Variants in MAML2 observed in about 807,000 individuals in gnomAD.
The protein encoded by MAML2 is mastermind-like protein 2.
A neutral mutation model predicts 96.1 loss-of-function variants in MAML2; 22 were observed. The observed-to-expected ratio is 0.23, with a 90% CI of 0.16 to 0.33. MAML2 has a LOEUF of 0.33. Ranked by LOEUF, MAML2 falls within the 10% of genes least tolerant of loss-of-function variation. The pLI, the probability that MAML2 is intolerant of heterozygous loss-of-function variation, is 1.00. For synonymous variants in MAML2, 561 were observed against 521.3 expected (o/e 1.08, Z -1.04); for missense variants, 1,367 against 1,392.4 (o/e 0.98, Z 0.29).
chr11:95,996,180 C>T (rs767559173), intron 2 of MAML2, among the ~76,000 whole-genome samples: 4 of 152,098 alleles, frequency 2.6e-5, no homozygotes, highest in Non-Finnish European at 5.9e-5. Flanking sequence ...CTACTCTGTG[C>T]TAGGCAGTTT....
intron 1 of MAML2, among the ~76,000 whole-genome samples, chr11:96,100,027 T>C (rs1443512618): frequency 6.6e-6 from 1 of 152,156 alleles, no homozygotes; most frequent in East Asian, 1.9e-4. Context: ...TTGTCACTCA[T>C]GTGAACCAGA....
chr11:96,241,694 C>A (rs1428718143), intron 1 of MAML2, among the ~76,000 whole-genome samples: 1 of 152,130 alleles, frequency 6.6e-6, no homozygotes, highest in Non-Finnish European at 1.5e-5. Flanking sequence ...GTGTTGATTG[C>A]GGAAGTCAAC....
In MAML2 at chr11:96,037,894, G is replaced by A. The variant is rs188596323; in HGVS notation, c.2140-46171C>T. Among the ~76,000 whole-genome samples the A allele has an allele frequency of 8.0e-3, 1,219 of 152,198 alleles. 14 individuals are homozygous for A. The highest frequency in any genetic ancestry group is 0.018 in the South Asian group (85 of 4,820). ...ACAGTGACAAAATACCCCAAGAGAT[G>A]GCTTGGCTAATAAAGATCACTAGAT... On this transcript the variant is annotated intron_variant, in intron 2 of 4. Transcript: ENST00000524717.
chr11:96,007,571 T>C (rs991099550), intron 2 of MAML2, among the ~76,000 whole-genome samples: 2 of 152,172 alleles, frequency 1.3e-5, no homozygotes, highest in Non-Finnish European at 2.9e-5. Context: ...ATAGTGGTTA[T>C]TTTAAGAATA....
intron 2 of MAML2, among the ~76,000 whole-genome samples, chr11:96,091,621 A>G (rs7105034): frequency 0.57 from 86,195 of 151,616 alleles, 25,455 homozygotes; most frequent in African/African-American, 0.68. Context: ...TGTCACTAAC[A>G]GCATACATTA....
At chr11:96,126,975 G>A (rs925489802) in intron 1 of MAML2, among the ~76,000 whole-genome samples, 5 of 152,124 alleles carry the variant, frequency 3.3e-5, no homozygotes, top group Admixed American at 1.3e-4. Context: ...TCTCAGGTGC[G>A]GTTCCTACAG....
chr11:96,085,347 C>G (rs1774133441), intron 2 of MAML2, among the ~76,000 whole-genome samples: 1 of 152,152 alleles, frequency 6.6e-6, no homozygotes, highest in African/African-American at 2.4e-5. Context: ...AGTCTTTGTG[C>G]CTAACTTTAA....
chr11:96,319,877 T>C (rs905776691), intron 1 of MAML2, among the ~76,000 whole-genome samples: 1 of 152,196 alleles, frequency 6.6e-6, no homozygotes, highest in Non-Finnish European at 1.5e-5. Flanking sequence ...CAACAAGCAC[T>C]AGGATGCCAA....
intron 2 of MAML2, among the ~76,000 whole-genome samples, chr11:95,997,803 C>T (rs1439501964): frequency 1.3e-5 from 2 of 152,142 alleles, no homozygotes; most frequent in Non-Finnish European, 2.9e-5. Flanking sequence ...AGGCTTTGGC[C>T]TTGTCATTAG....
chr11:96,327,125 C>A (rs149876613), intron 1 of MAML2, among the ~76,000 whole-genome samples: 1 of 152,156 alleles, frequency 6.6e-6, no homozygotes, highest in Non-Finnish European at 1.5e-5. Context: ...GGTAGACAGG[C>A]AGGTCTCTCC....
At chr11:96,083,092 G>A (rs1859553465) in intron 2 of MAML2, among the ~76,000 whole-genome samples, 1 of 152,228 alleles carries the variant, frequency 6.6e-6, no homozygotes, top group South Asian at 2.1e-4. Context: ...CACGTGGGGT[G>A]CAAGGGAGAA....
At chr11:96,053,047 C>A (rs900291529) in intron 2 of MAML2, among the ~76,000 whole-genome samples, 1 of 152,188 alleles carries the variant, frequency 6.6e-6, no homozygotes, top group Admixed American at 6.5e-5. Flanking sequence ...CTTCATCTGG[C>A]AAACATTATG....
intron 1 of MAML2, among the ~76,000 whole-genome samples, chr11:96,248,264 C>T (rs1349180098): frequency 6.6e-6 from 1 of 151,792 alleles, no homozygotes; most frequent in Non-Finnish European, 1.5e-5. Flanking sequence ...AGGCACCTGC[C>T]ACCATGCCTG....
intron 1 of MAML2, among the ~76,000 whole-genome samples, chr11:96,291,937 A>C (rs1180075686): frequency 6.6e-6 from 1 of 152,172 alleles, no homozygotes; most frequent in Admixed American, 6.5e-5. Flanking sequence ...TCCATGTTCC[A>C]CAGGAATATC....
rs540599295 is a variant in MAML2 at position 96,092,832 on chromosome 11, G to A, written c.1199C>T (p.Thr400Ile). The A allele has an allele frequency of 8.7e-6, 14 of 1,609,168 alleles. No homozygotes were observed. In the South Asian group the frequency reaches 8.9e-5, roughly 10 times the overall value. Reference sequence around the variant, plus strand: ...AGGGACTGAAGGGATTGGAGACGAAGTGGAGAGGGCAGAGTTGGCCATGGA... The same window carrying A: ...AGGGACTGAAGGGATTGGAGACGAAATGGAGAGGGCAGAGTTGGCCATGGA... ...AFSMANSALS[T>I]SSPIPSVPQS... Residue 400 changes from threonine to isoleucine, a missense_variant, in exon 2 of 5, where the codon ACT (threonine) becomes ATT (isoleucine). Coordinates refer to ENST00000524717, the MANE Select transcript of MAML2 (RefSeq NM_032427.4). The surrounding 1 kb of genome is among the most constrained non-coding windows in gnomAD (Gnocchi z 4.1).
At position 96,342,339 on chromosome 11, in the gene MAML2, C is replaced by A. The variant is rs1055675460; in HGVS notation, c.-444G>T. ...TTGAGAGAGGTATTAATAGAGAGGA[C>A]TCCCCCTCACCTAGTTGTTTCCGAC... On this transcript the variant is annotated 5_prime_UTR_variant, in exon 1 of 5. Transcript: ENST00000524717. 1.5e-5 allele frequency: 6 copies of A among 400,768 alleles called. No homozygotes were observed. Among genetic ancestry groups the A allele is most frequent in the Admixed American group, 1.3e-4 (3 of 23,072 alleles). 24.8% of individuals were successfully genotyped at this position (400,768 alleles called of 1,614,324 possible). A position where few individuals can be genotyped will look rare whatever the true frequency, so the allele number is the denominator to read the frequency against.
intron 2 of MAML2, among the ~76,000 whole-genome samples, chr11:96,054,251 A>G (rs75109604): frequency 0.019 from 2,936 of 152,284 alleles, 111 homozygotes; most frequent in African/African-American, 0.067. Flanking sequence ...GGGATATTTT[A>G]GGGGAATGCT....
intron 1 of MAML2, among the ~76,000 whole-genome samples, chr11:96,310,235 AT>A (rs910948213): frequency 2.4e-4 from 36 of 150,890 alleles, no homozygotes; most frequent in East Asian, 5.8e-4. Flanking sequence ...GCTAAAGGTT[AT>A]TTTTTTTTTC....
At chr11:96,100,115 C>T (rs1030330483) in intron 1 of MAML2, among the ~76,000 whole-genome samples, 3 of 152,146 alleles carry the variant, frequency 2.0e-5, no homozygotes, top group Non-Finnish European at 4.4e-5. Flanking sequence ...AGCTGGGATG[C>T]AAGTTGAAGC....
Sources: gnomAD v4.1 joint callset for allele counts (sites outside exome capture counted in the v4.1 genomes callset) on GRCh38, gnomAD v4.1.1 for gene constraint, Gnocchi (gnomAD v3.1) non-coding constraint, MANE v1.5 for transcripts, NCBI Gene and HGNC (gene_info 2026-07-23, HGNC 2026-07-21) for gene names.